Variants in ALS2CL observed in about 807,000 individuals in gnomAD.
ALS2CL encodes ALS2 C-terminal-like protein.
A neutral mutation model predicts 127.9 loss-of-function variants in ALS2CL; 112 were observed. The observed-to-expected ratio is 0.88, with a 90% CI of 0.75 to 1.02. The LOEUF is 1.02. ALS2CL is among the 50% of genes least tolerant of loss of function. The pLI, the probability that ALS2CL is intolerant of heterozygous loss-of-function variation, is 0.00. For synonymous variants in ALS2CL, 519 were observed against 527.6 expected (o/e 0.98, Z 0.22); for missense variants, 1,174 against 1,236.7 (o/e 0.95, Z 0.76).
intron 19 of ALS2CL, 162 bp downstream of exon 19, chr3:46,676,083 C>A: frequency 7.3e-7 from 1 of 1,363,204 alleles, no homozygotes; most frequent in African/African-American, 1.5e-5. Context: ...CACCTCCCCA[C>A]CCTCTAACCC....
chr3:46,690,672 G>T (rs1010359029), intron 1 of ALS2CL, among the ~76,000 whole-genome samples: 1 of 152,208 alleles, frequency 6.6e-6, no homozygotes, highest in African/African-American at 2.4e-5. Flanking sequence ...CCCAAGACCC[G>T]CAGACTGTCT....
chr3:46,673,381 C>T lies in ALS2CL; in HGVS notation c.2430G>A (p.Lys810=). The T allele has an allele frequency of 6.4e-7, 1 of 1,562,316 alleles. No individual in the cohort carries two copies. Residue 810 remains lysine (K), a splice_region_variant and synonymous_variant, in exon 22 of 26, where the codon AAG becomes AAA. Transcript: ENST00000318962. Reference sequence around the variant, plus strand: ...TGAGGTCCTTGAGGGGCCACAAGTGCCTGAAATTGAAAAAGTGAGACAGGA... The same window carrying T: ...TGAGGTCCTTGAGGGGCCACAAGTGTCTGAAATTGAAAAAGTGAGACAGGA... ...TQLLEFLDVQ[K]HLWPLKDLTL... is the part of the protein sequence containing the mutation.
chr3:46,683,559 G>A (rs1291401040), intron 9 of ALS2CL, among the ~76,000 whole-genome samples: 1 of 152,088 alleles, frequency 6.6e-6, no homozygotes, highest in Non-Finnish European at 1.5e-5. Context: ...AAGACCTCAG[G>A]GCAGGGATCA....
At chr3:46,675,564 A>G in intron 20 of ALS2CL, 54 bp downstream of exon 20, 1 of 1,555,240 alleles carries the variant, frequency 6.4e-7, no homozygotes. Flanking sequence ...CTAGGAGCAG[A>G]CGCATGAGGC....
At position 46,675,102 on chromosome 3, in the gene ALS2CL, G is replaced by A. The variant is rs1480750406; in HGVS notation, c.2256-363C>T. The A allele has an allele frequency of 9.6e-5, 22 of 228,760 alleles. No homozygotes were observed. In the Admixed American group the frequency reaches 9.8e-4, roughly 10 times the overall value. 14.2% of individuals were successfully genotyped at this position (228,760 alleles called of 1,614,324 possible). On this transcript the variant is annotated intron_variant, in intron 20 of 25. Coordinates refer to ENST00000318962, the MANE Select transcript of ALS2CL (RefSeq NM_147129.5). ...GGTTTGCTGTGCTAGGACTCCGGGC[G>A]GGGAATCCTCCCTAATGTCTAACCC...
At position 46,678,400 on chromosome 3, in the gene ALS2CL, G is replaced by A. The variant is rs756072188; in HGVS notation, c.1627-11C>T. On this transcript the variant is annotated splice_polypyrimidine_tract_variant and intron_variant, in intron 15 of 25. Coordinates refer to ENST00000318962, the MANE Select transcript of ALS2CL (RefSeq NM_147129.5). ...GAAGGTGACCTTGCCCTGGGAGCCA[G>A]GAGAAGGAGCAGGGATGTCTGTCTG... 5.6e-6 allele frequency: 9 copies of A among 1,610,374 alleles called. No individual in the cohort carries two copies.
At position 46,671,565 on chromosome 3, in the gene ALS2CL, C is replaced by T. The variant is rs756045055; in HGVS notation, c.2704G>A (p.Glu902Lys). The T allele has an allele frequency of 6.2e-6, 10 of 1,613,896 alleles. No individual in the cohort carries two copies. The highest frequency in any genetic ancestry group is 4.2e-6 in the Non-Finnish European group (5 of 1,179,952). Residue 902 changes from glutamate (E) to lysine (K), a missense_variant, in exon 25 of 26, where the codon GAG becomes AAG. Coordinates refer to ENST00000318962, the MANE Select transcript of ALS2CL (RefSeq NM_147129.5). The part of the protein sequence containing the change: ...SRARIQHLGA[E>K]IHLIRDMMDP... Reference sequence around the variant, plus strand: ...ATCATGTCACGGATCAGGTGGATCTCGGCTCCCAGGTGCTGAATTCTGGAG... The same window carrying T: ...ATCATGTCACGGATCAGGTGGATCTTGGCTCCCAGGTGCTGAATTCTGGAG...
At position 46,686,284 on chromosome 3, in the gene ALS2CL, C is replaced by T. The variant is rs761871575; in HGVS notation, c.666+24G>A. The T allele has an allele frequency of 1.8e-5, 28 of 1,588,508 alleles. 1 individual carries two copies. In the South Asian group the frequency reaches 2.7e-4, roughly 16 times the overall value. ...GCCCAATGTGGAACCCCCTCCCTAACTGCCCCTCAGGCCCCCAACTCACCC... is the reference window on the plus strand; with the variant it reads ...GCCCAATGTGGAACCCCCTCCCTAATTGCCCCTCAGGCCCCCAACTCACCC... On this transcript the variant is annotated intron_variant, in intron 6 of 25. Coordinates refer to ENST00000318962, the MANE Select transcript of ALS2CL (RefSeq NM_147129.5). The surrounding 1 kb of genome is among the most constrained non-coding windows in gnomAD (Gnocchi z 4.3).
intron 1 of ALS2CL, among the ~76,000 whole-genome samples, chr3:46,690,831 C>T (rs1174426874): frequency 1.3e-5 from 2 of 152,330 alleles, no homozygotes; most frequent in Non-Finnish European, 2.9e-5. Flanking sequence ...CCTCTCCACC[C>T]TGCCCCGAGA....
At chr3:46,676,488 C>A in intron 18 of ALS2CL, 86 bp from the exon 19 acceptor site, 3 of 1,581,536 alleles carry the variant, frequency 1.9e-6, no homozygotes, top group South Asian at 1.1e-5. Flanking sequence ...AACACTTCTC[C>A]CATCTCATAC....
chr3:46,678,351 G>A lies in ALS2CL; in HGVS notation c.1665C>T (p.Gly555=), dbSNP rs144369767. 8 of 1,613,242 alleles carry A rather than the reference G, an allele frequency of 5.0e-6. No individual in the cohort carries two copies. In the African/African-American group the frequency reaches 1.1e-4, roughly 22 times the overall value. ...CTCTCCCTGCCCCACTGCCGAACGAGCCCTCCAGGGTGAAGCCATTGGGGA... is the reference window on the plus strand; with the variant it reads ...CTCTCCCTGCCCCACTGCCGAACGAACCCTCCAGGGTGAAGCCATTGGGGA... The part of the protein sequence containing the change: ...VTFPNGFTLE[G]SFGSGAGRGL... The change falls in exon 16 of 26, where the codon GGC becomes GGT. Residue 555 remains glycine, a synonymous_variant. Coordinates refer to ENST00000318962, the MANE Select transcript of ALS2CL (RefSeq NM_147129.5).
intron 16 of ALS2CL, chr3:46,677,538 A>T (rs1263373649): frequency 5.6e-6 from 2 of 354,652 alleles, no homozygotes; most frequent in East Asian, 3.3e-4. Flanking sequence ...GCCTGCCCCT[A>T]GGGATTGCTG....
chr3:46,683,349 G>C, intron 9 of ALS2CL, 23 bp from the exon 10 acceptor site: 1 of 1,564,000 alleles, frequency 6.4e-7, no homozygotes, highest in South Asian at 1.2e-5. Flanking sequence ...GGAACATGGG[G>C]AAGGGGATCA....
chr3:46,688,138 G>T lies in ALS2CL; in HGVS notation c.262C>A (p.Leu88Met). Residue 88 changes from leucine (L) to methionine (M), a missense_variant, in exon 3 of 26, where the codon CTG (leucine) becomes ATG (methionine). Coordinates refer to ENST00000318962, the MANE Select transcript of ALS2CL (RefSeq NM_147129.5). ...AGTACACGGTCAGCACCTCGCAGCA[G>T]CAGCAGGGACTCCAGACCGGTGGAG... is the stretch of plus-strand genomic sequence containing the variant. ...PDSTGLESLL[L>M]LRGADRVLQA... 6.2e-7 allele frequency: 1 copy of T among 1,613,228 alleles called. No homozygotes were observed. The highest frequency in any genetic ancestry group is 8.5e-7 in the Non-Finnish European group (1 of 1,180,014).
rs758447578 is a variant in ALS2CL at position 46,681,544 on chromosome 3, CT to C, written c.1229del (p.Lys410SerfsTer128). ...QASEDKFDCY[K>X]CHWREGSMCG... ...ACATGCTGCCTTCTCGCCAGTGACA[CT>C]TGTAACAGTCGAACTTGTCCTCAGA... is the stretch of plus-strand genomic sequence containing the variant. On this transcript the variant is annotated frameshift_variant, in exon 12 of 26. Coordinates refer to ENST00000318962, the MANE Select transcript of ALS2CL (RefSeq NM_147129.5). LOFTEE classifies it high-confidence loss of function. The surrounding 1 kb of genome is among the most constrained non-coding windows in gnomAD (Gnocchi z 4.9). 4 of 1,614,176 alleles carry C rather than the reference CT, an allele frequency of 2.5e-6. No homozygotes were observed. In the Admixed American group the frequency reaches 6.7e-5, roughly 27 times the overall value.
At chr3:46,674,533 G>C in intron 21 of ALS2CL, 33 bp downstream of exon 21, 1 of 1,593,420 alleles carries the variant, frequency 6.3e-7, no homozygotes, top group Non-Finnish European at 8.5e-7. Flanking sequence ...TTTGAGTCCT[G>C]GCTAACACGG....
Position 46,676,971 on chromosome 3 carries a change from G to A in ALS2CL, c.1809C>T (p.Tyr603=). ...CACACACAAAGTCCCGGAAGGGGCT[G>A]TAGACTCCCTGCCAGCGGCTTTCCA... ...FPVESRWQGV[Y]SPFRDFVCAG... The change falls in exon 17 of 26, where the codon TAC becomes TAT. Residue 603 remains tyrosine (Y), a synonymous_variant. Coordinates refer to ENST00000318962, the MANE Select transcript of ALS2CL (RefSeq NM_147129.5). 6.2e-7 allele frequency: 1 copy of A among 1,613,070 alleles called. No individual in the cohort carries two copies. The highest frequency in any genetic ancestry group is 8.5e-7 in the Non-Finnish European group (1 of 1,179,614).
intron 20 of ALS2CL, 134 bp downstream of exon 20, chr3:46,675,484 G>A: frequency 1.2e-6 from 1 of 835,586 alleles, no homozygotes; most frequent in Non-Finnish European, 1.9e-6. Context: ...AACGATCAAT[G>A]CACAATGTTT....
chr3:46,671,964 C>A lies in ALS2CL; in HGVS notation c.2604G>T (p.Val868=). 6.2e-7 allele frequency: 1 copy of A among 1,614,038 alleles called. No homozygotes were observed. Among genetic ancestry groups the A allele is most frequent in the Non-Finnish European group, 8.5e-7 (1 of 1,180,014 alleles). Residue 868 remains valine, a synonymous_variant, in exon 24 of 26, where the codon GTG becomes GTT. Transcript: ENST00000318962. ...TGTACTCCCGGCCCAATACCCTCGA[C>A]ACCGTGCCCTCAATTTCCCCGTATG... ...ERTYGEIEGT[V]SRVLGREYKL...
Sources: allele counts gnomAD v4.1 joint callset (sites outside exome capture counted in the v4.1 genomes callset), GRCh38; gene constraint gnomAD v4.1.1; non-coding constraint Gnocchi (gnomAD v3.1); transcripts MANE v1.5; gene names NCBI Gene and HGNC (gene_info 2026-07-23, HGNC 2026-07-21).